ATP13A2: variants seen among roughly 807,000 people sequenced by gnomAD.
ATP13A2 encodes polyamine-transporting ATPase 13A2.
In ATP13A2, 83 loss-of-function variants were observed where a neutral mutation model predicts 138.3. The ratio of observed to expected loss-of-function variants is 0.60; its 90% CI spans 0.50 to 0.72. The LOEUF (loss-of-function observed/expected upper bound fraction) is 0.72, where lower values mean the gene tolerates loss of function less well. Among genes scored for constraint, ATP13A2 ranks in the 30% least tolerant of loss-of-function variants. The pLI, the probability that ATP13A2 is intolerant of heterozygous loss-of-function variation, is 0.00. For synonymous variants in ATP13A2, 663 were observed against 699.0 expected (o/e 0.95, Z 0.81); for missense variants, 1,402 against 1,606.4 (o/e 0.87, Z 2.17).
rs747025503 is a variant in ATP13A2 at position 16,986,112 on chromosome 1, G to A, written c.*109C>T. 2.1e-5 allele frequency: 33 copies of A among 1,580,732 alleles called. No individual in the cohort carries two copies. Among genetic ancestry groups the A allele is most frequent in the African/African-American group, 2.7e-5 (2 of 74,426 alleles). ...TCTCGGGGGAGGAGTGTAGACAGTC[G>A]CCAACCTCAGGGATGTGGGAGGTGG... is the stretch of plus-strand genomic sequence containing the variant. On this transcript the variant is annotated 3_prime_UTR_variant, in exon 29 of 29. Transcript: ENST00000326735. This position sits in a 1 kb window ranked among gnomAD's most constrained non-coding sequence, Gnocchi z 6.9.
chr1:16,988,040 C>A (rs922526576), intron 25 of ATP13A2, 98 bp downstream of exon 25: 9 of 1,109,410 alleles, frequency 8.1e-6, no homozygotes, highest in Non-Finnish European at 1.2e-5. Context: ...TCTGGGCCCA[C>A]GTCATCTATT....
chr1:17,006,718 C>CTGA (rs879760191), intron 1 of ATP13A2, among the ~76,000 whole-genome samples: 2 of 152,138 alleles, frequency 1.3e-5, no homozygotes, highest in Admixed American at 1.3e-4. Context: ...AGTCCCCACC[C>CTGA]TGAGGGCAGG....
At position 17,004,690 on chromosome 1, in the gene ATP13A2, A is replaced by C. The variant is rs758014228; in HGVS notation, c.477+2T>G. 129 of 1,613,836 alleles carry C rather than the reference A, an allele frequency of 8.0e-5. No homozygotes were observed. The highest frequency in any genetic ancestry group is 1.1e-4 in the Non-Finnish European group (126 of 1,180,004). Reference sequence around the variant, plus strand: ...AGGGGCAAGGACTTTTTCAGAACCCACCTGTCCGACACTCACCGCCTCCTC... The same window carrying C: ...AGGGGCAAGGACTTTTTCAGAACCCCCCTGTCCGACACTCACCGCCTCCTC... On this transcript the variant is annotated splice_donor_variant, in intron 5 of 28. Coordinates refer to ENST00000326735, the MANE Select transcript of ATP13A2 (RefSeq NM_022089.4). LOFTEE classifies it high-confidence loss of function. This position sits in a 1 kb window ranked among gnomAD's most constrained non-coding sequence, Gnocchi z 4.1.
intron 11 of ATP13A2, among the ~76,000 whole-genome samples, chr1:16,999,478 C>A (rs1156876527): frequency 6.6e-6 from 1 of 150,890 alleles, no homozygotes; most frequent in African/African-American, 2.4e-5. Context: ...GCACTTTGCA[C>A]AACTCTGTCC....
At chr1:16,998,895 G>A (rs1282224721) in intron 11 of ATP13A2, among the ~76,000 whole-genome samples, 2 of 152,102 alleles carry the variant, frequency 1.3e-5, no homozygotes, top group Non-Finnish European at 2.9e-5. Flanking sequence ...CAGCCCATGT[G>A]CACACACGTA....
chr1:17,005,347 T>C lies in ATP13A2; in HGVS notation c.288+27A>G, dbSNP rs565984435. The C allele has an allele frequency of 6.4e-6, 10 of 1,573,626 alleles. No individual in the cohort carries two copies. The African/African-American group carries it at 1.3e-4, about 21-fold the overall frequency. On this transcript the variant is annotated intron_variant, in intron 3 of 28. Coordinates refer to ENST00000326735, the MANE Select transcript of ATP13A2 (RefSeq NM_022089.4). ...GACCCTGACCCTCACTGCGCTTCTC[T>C]AGCCCCAGGCTCAGCCTGACTCTCA... is the stretch of plus-strand genomic sequence containing the variant.
intron 11 of ATP13A2, among the ~76,000 whole-genome samples, chr1:16,998,879 G>A (rs928594040): frequency 2.0e-5 from 3 of 152,118 alleles, no homozygotes; most frequent in Admixed American, 6.6e-5. Flanking sequence ...AAAAGGAGAG[G>A]CAAATCAGCC....
At position 16,996,313 on chromosome 1, in the gene ATP13A2, C is replaced by T. The variant is rs754572673; in HGVS notation, c.1307-13G>A. 1.2e-5 allele frequency: 19 copies of T among 1,613,936 alleles called. No homozygotes were observed. The highest frequency in any genetic ancestry group is 2.7e-5 in the African/African-American group (2 of 74,854). On this transcript the variant is annotated splice_polypyrimidine_tract_variant and intron_variant, in intron 13 of 28. Transcript: ENST00000326735. ...GTGCCGAGGAGAGCTGTGGGGACAG[C>T]GAAGGACTGAGTGGGATTTGGGACC...
At chr1:17,002,472 T>A (rs1365653225) in intron 6 of ATP13A2, 99 bp from the exon 7 acceptor site, 1 of 1,391,090 alleles carries the variant, frequency 7.2e-7, no homozygotes, top group African/African-American at 1.4e-5. Context: ...AGGCCCCCCA[T>A]CCCCGTTCTG....
rs1218376033 is a variant in ATP13A2 at position 17,008,837 on chromosome 1, G to A, written c.10+2892C>T. ...AAATTAGCCGGGCGTGGTGGCAGGC[G>A]CCTGTAGTCCCAGCTACTTGGGAGG... On this transcript the variant is annotated intron_variant, in intron 1 of 28. Transcript: ENST00000326735. Among the ~76,000 whole-genome samples, 12 of 151,996 alleles carry A rather than the reference G, an allele frequency of 7.9e-5. 1 individual carries two copies. In the South Asian group the frequency reaches 1.9e-3, roughly 24 times the overall value.
chr1:16,987,129 G>C lies in ATP13A2; in HGVS notation c.3000C>G (p.Pro1000=). 2 of 1,613,078 alleles carry C rather than the reference G, an allele frequency of 1.2e-6. No homozygotes were observed. Among genetic ancestry groups the C allele is most frequent in the South Asian group, 1.1e-5 (1 of 91,052 alleles). ...VRPPGALLSV[P]VLSSLLLQMV... ...TCTGCAGCAGCAGGCTGCTGAGCACGGGCACGCTGAGCAGCGCCCCCGGTG... is the reference window on the plus strand; with the variant it reads ...TCTGCAGCAGCAGGCTGCTGAGCACCGGCACGCTGAGCAGCGCCCCCGGTG... Residue 1000 remains proline, a synonymous_variant, in exon 26 of 29, where the codon CCC becomes CCG. Coordinates refer to ENST00000326735, the MANE Select transcript of ATP13A2 (RefSeq NM_022089.4).
chr1:16,994,790 G>A (rs572222415), intron 15 of ATP13A2, among the ~76,000 whole-genome samples: 1 of 152,182 alleles, frequency 6.6e-6, no homozygotes, highest in South Asian at 2.1e-4. Context: ...AGCCTCCCGA[G>A]TAACTGGGAC....
Position 16,988,136 on chromosome 1 carries a change from A to G in ATP13A2, c.2859+2T>C. 1.2e-6 allele frequency: 2 copies of G among 1,612,142 alleles called. No individual in the cohort carries two copies. Among genetic ancestry groups the G allele is most frequent in the South Asian group, 1.1e-5 (1 of 90,998 alleles). On this transcript the variant is annotated splice_donor_variant, in intron 25 of 28. Transcript: ENST00000326735. LOFTEE classifies it high-confidence loss of function. Reference sequence around the variant, plus strand: ...TGGGTACGGAGCTCTGCAGATACTCACCGTGTAGAGGATCAGGACGGAGAT... The same window carrying G: ...TGGGTACGGAGCTCTGCAGATACTCGCCGTGTAGAGGATCAGGACGGAGAT...
Position 17,002,338 on chromosome 1 carries a change from T to G in ATP13A2, c.593A>C (p.His198Pro). Residue 198 changes from histidine (H) to proline (P), a missense_variant, in exon 7 of 29, where the codon CAC becomes CCC. Physicochemically the swap from His to Pro is moderately conservative, Grantham distance 77. Transcript: ENST00000326735. Reference sequence around the variant, plus strand: ...GAGGCTGAGGCCATGGCGGGAGCGGTGGACGTCGTCACAAGAGCGGCCATG... The same window carrying G: ...GAGGCTGAGGCCATGGCGGGAGCGGGGGACGTCGTCACAAGAGCGGCCATG... ...LDHGRSCDDV[H>P]RSRHGLSLQD... is the part of the protein sequence containing the mutation. 3 of 1,613,100 alleles carry G rather than the reference T, an allele frequency of 1.9e-6. No homozygotes were observed. The highest frequency in any genetic ancestry group is 2.5e-6 in the Non-Finnish European group (3 of 1,179,760).
Position 16,993,629 on chromosome 1 carries a change from C to T in ATP13A2, c.1749G>A (p.Trp583Ter). ...GGGCTGACCTGCTTGGCCTCCTCAC[C>T]CAGCCAGTAGACTCCACCATCTTCA... ...MDLKMVESTG[W>*]VLEEEPAADS... is the part of the protein sequence containing the mutation. The change falls in exon 16 of 29, where the codon TGG (tryptophan) becomes TGA (stop). Residue 583 changes from tryptophan (W) to a stop codon, truncating the protein, a stop_gained and splice_region_variant. Transcript: ENST00000326735. LOFTEE classifies it high-confidence loss of function. The T allele has an allele frequency of 6.3e-7, 1 of 1,581,068 alleles. No homozygotes were observed. Among genetic ancestry groups the T allele is most frequent in the Non-Finnish European group, 8.6e-7 (1 of 1,163,712 alleles).
At chr1:16,997,423 G>GGGGGGGGGGCAGACAAAGGA (rs2077176988) in intron 11 of ATP13A2, among the ~76,000 whole-genome samples, 1 of 130,962 alleles carries the variant, frequency 7.6e-6, no homozygotes, top group African/African-American at 3.0e-5. Context: ...GCGGGGGGGG[G>GGGGGGGGGGCAGACAAAGGA]TGGGTCAGAC....
chr1:17,003,622 C>CACACAT (rs1158568193), intron 6 of ATP13A2, among the ~76,000 whole-genome samples: 9 of 149,680 alleles, frequency 6.0e-5, no homozygotes, highest in African/African-American at 2.2e-4. Flanking sequence ...CACACACACA[C>CACACAT]ATACACACAA....
At chr1:16,993,915 C>T (rs1304552258) in intron 15 of ATP13A2, 80 bp from the exon 16 acceptor site, 14 of 1,246,270 alleles carry the variant, frequency 1.1e-5, no homozygotes, top group Middle Eastern at 2.8e-4. Context: ...AAACCCCAGG[C>T]CCGGCGGACC....
At chr1:17,007,622 G>A (rs1393789950) in intron 1 of ATP13A2, among the ~76,000 whole-genome samples, 1 of 148,094 alleles carries the variant, frequency 6.8e-6, no homozygotes, top group Non-Finnish European at 1.5e-5. Flanking sequence ...CGCGATCTCG[G>A]CTCACTGCAA....
Sources: gnomAD v4.1 joint callset for allele counts (sites outside exome capture counted in the v4.1 genomes callset) on GRCh38, gnomAD v4.1.1 for gene constraint, Gnocchi (gnomAD v3.1) non-coding constraint, MANE v1.5 for transcripts, NCBI Gene and HGNC (gene_info 2026-07-23, HGNC 2026-07-21) for gene names.